LRFN5: variants seen among roughly 807,000 people sequenced by gnomAD.
The protein encoded by LRFN5 is leucine rich repeat and fibronectin type III domain containing 5, also known as leucine-rich repeat and fibronectin type-III domain-containing protein 5.
LRFN5 carries 24 observed loss-of-function variants against 45.6 expected under a neutral mutation model. The ratio of observed to expected loss-of-function variants is 0.53; its 90% CI spans 0.38 to 0.74. The LOEUF is 0.74. Ranked by LOEUF, LRFN5 falls within the 30% of genes least tolerant of loss-of-function variation. LRFN5 has a pLI of 0.00. For missense variants in LRFN5, 776 were observed against 861.5 expected, an observed-to-expected ratio of 0.90 and a Z score of 1.24; for synonymous variants, 340 against 313.8, an observed-to-expected ratio of 1.08 and a Z score of -0.88.
intron 1 of LRFN5, among the ~76,000 whole-genome samples, chr14:41,649,380 GTAAA>G (rs1879978222): frequency 6.6e-6 from 1 of 152,096 alleles, no homozygotes; most frequent in South Asian, 2.1e-4. Context: ...AAGCACTTGA[GTAAA>G]TATATTACCA....
At chr14:41,669,265 C>T (rs1468413440) in intron 1 of LRFN5, among the ~76,000 whole-genome samples, 2 of 151,130 alleles carry the variant, frequency 1.3e-5, no homozygotes, top group Admixed American at 6.6e-5. Flanking sequence ...AAACTGGAAC[C>T]CATACAAATC....
chr14:41,855,789 G>T (rs1889431409), intron 2 of LRFN5, among the ~76,000 whole-genome samples: 1 of 152,050 alleles, frequency 6.6e-6, no homozygotes, highest in African/African-American at 2.4e-5. Context: ...TAAAACAGAT[G>T]TTTTCACTGC....
intron 1 of LRFN5, among the ~76,000 whole-genome samples, chr14:41,754,639 A>G (rs1474775179): frequency 6.6e-6 from 1 of 151,948 alleles, no homozygotes; most frequent in Non-Finnish European, 1.5e-5. Context: ...TATTGTGTCT[A>G]TTTGATTCTT....
At chr14:41,686,451 C>G (rs145952703) in intron 1 of LRFN5, among the ~76,000 whole-genome samples, 5,074 of 151,632 alleles carry the variant, frequency 0.033, 142 homozygotes, top group African/African-American at 0.085. Flanking sequence ...ATTTGAATAC[C>G]CTTTATTTCT....
intron 1 of LRFN5, among the ~76,000 whole-genome samples, chr14:41,691,436 A>G (rs1480758714): frequency 6.6e-6 from 1 of 152,126 alleles, no homozygotes; most frequent in Non-Finnish European, 1.5e-5. Flanking sequence ...CAGTTGTCAG[A>G]AAACAAACTC....
intron 2 of LRFN5, among the ~76,000 whole-genome samples, chr14:41,797,015 T>G (rs957131094): frequency 6.6e-6 from 1 of 151,922 alleles, no homozygotes; most frequent in South Asian, 2.1e-4. Flanking sequence ...TTATCTCGTG[T>G]ACTTTCTGCT....
rs574549768 is a variant in LRFN5 at position 41,645,511 on chromosome 14, T to C, written c.-197+36949T>C. On this transcript the variant is annotated intron_variant, in intron 1 of 5. Coordinates refer to ENST00000298119, the MANE Select transcript of LRFN5 (RefSeq NM_152447.5). ...TTTTGAGAGTTTGTTAAAAAGTTTG[T>C]TTCCCCACATTTTAAGTCTCAAACT... Among the ~76,000 whole-genome samples the C allele has an allele frequency of 6.4e-4, 56 of 87,586 alleles. 2 individuals are homozygous for C. The South Asian group carries it at 0.018, about 28-fold the overall frequency. The allele number at this position is 87,586 out of a possible 152,430, so 57.5% of individuals were successfully genotyped here. A position where few individuals can be genotyped will look rare whatever the true frequency, so the allele number is the denominator to read the frequency against.
rs548522794 is a variant in LRFN5, at chr14:41,819,127, G to T, written c.-21+52098G>T. Among the ~76,000 whole-genome samples, 331 of 152,084 alleles carry T rather than the reference G, an allele frequency of 2.2e-3. 1 individual carries two copies. The highest frequency in any genetic ancestry group is 3.5e-3 in the Non-Finnish European group (236 of 67,962). ...AGTATAAATGCATCACATTTTAATC[G>T]AATTATCCATTGGTGGACACTTAGT... On this transcript the variant is annotated intron_variant, in intron 2 of 5. Transcript: ENST00000298119.
intron 1 of LRFN5, among the ~76,000 whole-genome samples, chr14:41,660,636 T>A (rs754481353): frequency 3.3e-5 from 5 of 151,856 alleles, no homozygotes; most frequent in Non-Finnish European, 5.9e-5. Flanking sequence ...AATATATCAG[T>A]GGTTCTGAAA....
chr14:41,634,729 G>A (rs776972196), intron 1 of LRFN5, among the ~76,000 whole-genome samples: 5 of 152,142 alleles, frequency 3.3e-5, no homozygotes, highest in Non-Finnish European at 5.9e-5. Flanking sequence ...TCCTAATGCT[G>A]TAGGGTTTGG....
At chr14:41,748,335 C>T (rs570199017) in intron 1 of LRFN5, among the ~76,000 whole-genome samples, 1 of 151,808 alleles carries the variant, frequency 6.6e-6, no homozygotes, top group Non-Finnish European at 1.5e-5. Flanking sequence ...ATATTAGCCT[C>T]ATAAAGGAAA....
intron 2 of LRFN5, among the ~76,000 whole-genome samples, chr14:41,833,764 A>G (rs994152429): frequency 1.3e-5 from 2 of 152,178 alleles, no homozygotes; most frequent in Non-Finnish European, 2.9e-5. Flanking sequence ...TTTTCATATG[A>G]TAACCATCTC....
chr14:41,706,352 G>A (rs1408911814), intron 1 of LRFN5, among the ~76,000 whole-genome samples: 3 of 151,976 alleles, frequency 2.0e-5, no homozygotes, highest in African/African-American at 7.3e-5. Context: ...CTCCAACCTC[G>A]GCCTCCCAAA....
At chr14:41,669,807 A>G (rs2138655110) in intron 1 of LRFN5, among the ~76,000 whole-genome samples, 1 of 151,360 alleles carries the variant, frequency 6.6e-6, no homozygotes, top group South Asian at 2.1e-4. Context: ...AAATTTCCAT[A>G]GTATTTGATG....
intron 1 of LRFN5, among the ~76,000 whole-genome samples, chr14:41,655,626 G>A (rs1292944013): frequency 6.6e-6 from 1 of 152,002 alleles, no homozygotes; most frequent in Non-Finnish European, 1.5e-5. Flanking sequence ...TCTGGTATTG[G>A]GTTAGGGAAT....
intron 2 of LRFN5, among the ~76,000 whole-genome samples, chr14:41,881,079 C>G (rs1890362430): frequency 6.6e-6 from 1 of 152,122 alleles, no homozygotes; most frequent in Non-Finnish European, 1.5e-5. Flanking sequence ...GCCTTTAACT[C>G]TTACATCCCA....
At chr14:41,824,325 T>C (rs577308364) in intron 2 of LRFN5, among the ~76,000 whole-genome samples, 1 of 152,338 alleles carries the variant, frequency 6.6e-6, no homozygotes, top group African/African-American at 2.4e-5. Flanking sequence ...TTTTGGTCAG[T>C]TGGTTCCTCT....
intron 3 of LRFN5, among the ~76,000 whole-genome samples, chr14:41,890,937 A>T (rs899501795): frequency 6.6e-6 from 1 of 152,152 alleles, no homozygotes; most frequent in Non-Finnish European, 1.5e-5. Flanking sequence ...TGTCACAGTC[A>T]CACCTTTCAA....
Position 41,746,083 on chromosome 14 carries a change from C to A in LRFN5, c.-196-20771C>A, listed in dbSNP as rs115792273. On this transcript the variant is annotated intron_variant, in intron 1 of 5. Coordinates refer to ENST00000298119, the MANE Select transcript of LRFN5 (RefSeq NM_152447.5). ...ATTGCAGGCAGTTACGCCTTATGAT[C>A]ATTGATGTATAAATTCTCAACAAAA... 1.0e-3 allele frequency among the ~76,000 whole-genome samples: 158 copies of A among 152,036 alleles called. 1 individual carries two copies. The highest frequency in any genetic ancestry group is 3.2e-3 in the African/African-American group (133 of 41,542).
Sources: allele counts gnomAD v4.1 joint callset (sites outside exome capture counted in the v4.1 genomes callset), GRCh38; gene constraint gnomAD v4.1.1; transcripts MANE v1.5; gene names NCBI Gene and HGNC (gene_info 2026-07-23, HGNC 2026-07-21).